SH3BGR: variants seen among roughly 807,000 people sequenced by gnomAD.
SH3BGR encodes SH3 domain binding glutamate rich protein.
SH3BGR carries 29 observed loss-of-function variants against 24.5 expected under a neutral mutation model. The observed-to-expected ratio is 1.18, with a 90% CI of 0.88 to 1.61. The LOEUF is 1.61. Among genes scored for constraint, SH3BGR ranks in the 40% most tolerant of loss-of-function variants. The pLI is 0.00. For synonymous variants in SH3BGR, 55 were observed against 65.7 expected (o/e 0.84, Z 0.79); for missense variants, 162 against 205.8 (o/e 0.79, Z 1.30).
At chr21:39,508,398 G>C (rs2078620364) in intron 4 of SH3BGR, among the ~76,000 whole-genome samples, 1 of 152,206 alleles carries the variant, frequency 6.6e-6, no homozygotes, top group African/African-American at 2.4e-5. Context: ...ATTCCAGTGG[G>C]CTGGTGGCTT....
intron 3 of SH3BGR, among the ~76,000 whole-genome samples, chr21:39,479,587 G>A (rs1165048968): frequency 1.3e-5 from 2 of 152,104 alleles, no homozygotes; most frequent in Non-Finnish European, 1.5e-5. Context: ...TTCAGAATGT[G>A]AACTTCTTAT....
chr21:39,506,911 G>A lies in SH3BGR; in HGVS notation c.406-2087G>A, dbSNP rs569821297. ...ATTGGAGATGAGAAAGAAAAGAGGAGGTGATAATCACTCTTTAGGAGCTTC... is the reference window on the plus strand; with the variant it reads ...ATTGGAGATGAGAAAGAAAAGAGGAAGTGATAATCACTCTTTAGGAGCTTC... On this transcript the variant is annotated intron_variant, in intron 4 of 6. Transcript: ENST00000333634. 6.6e-5 allele frequency among the ~76,000 whole-genome samples: 10 copies of A among 152,266 alleles called. No individual in the cohort carries two copies. In the South Asian group the frequency reaches 2.1e-3, roughly 32 times the overall value.
At chr21:39,492,560 A>G (rs1033318519) in intron 3 of SH3BGR, among the ~76,000 whole-genome samples, 5 of 151,372 alleles carry the variant, frequency 3.3e-5, no homozygotes, top group African/African-American at 1.2e-4. Context: ...TATTTTGGCA[A>G]TTGCGCATTG....
intron 1 of SH3BGR, among the ~76,000 whole-genome samples, chr21:39,455,938 G>A (rs2077648017): frequency 1.3e-5 from 2 of 152,110 alleles, no homozygotes; most frequent in South Asian, 2.1e-4. Flanking sequence ...AATGCCATGC[G>A]TCCAACAGTC....
At chr21:39,445,874 G>A (rs1279825428), upstream of SH3BGR, 1 of 152,462 alleles carries the variant, frequency 6.6e-6, no homozygotes, top group African/African-American at 2.4e-5. Flanking sequence ...CGGCGGGGAG[G>A]GGCGTCTTGG....
chr21:39,469,422 A>G (rs1323389898), intron 2 of SH3BGR, among the ~76,000 whole-genome samples: 1 of 150,922 alleles, frequency 6.6e-6, no homozygotes, highest in Non-Finnish European at 1.5e-5. Flanking sequence ...CTTTATAGCT[A>G]ATTTTTCTCT....
chr21:39,450,462 G>C (rs1009224562), upstream of SH3BGR, among the ~76,000 whole-genome samples: 1 of 152,186 alleles, frequency 6.6e-6, no homozygotes, highest in Admixed American at 6.5e-5. Flanking sequence ...ACCTACCTGA[G>C]GGGGTGGGAA....
intron 4 of SH3BGR, among the ~76,000 whole-genome samples, chr21:39,505,928 T>C (rs942207761): frequency 6.6e-6 from 1 of 152,216 alleles, no homozygotes; most frequent in African/African-American, 2.4e-5. Flanking sequence ...ATAAAAATAA[T>C]TGGATTCAGA....
At chr21:39,449,149 A>G (rs1001599836), upstream of SH3BGR, among the ~76,000 whole-genome samples, 1 of 152,214 alleles carries the variant, frequency 6.6e-6, no homozygotes, top group African/African-American at 2.4e-5. Context: ...TACCCACTGC[A>G]CACATGCCTG....
chr21:39,514,181 G>A (rs907421957), intron 6 of SH3BGR, among the ~76,000 whole-genome samples: 2 of 152,096 alleles, frequency 1.3e-5, no homozygotes, highest in Non-Finnish European at 1.5e-5. Flanking sequence ...ACATGATGAT[G>A]CAGTCAGGTA....
chr21:39,506,248 G>A (rs1330937260), intron 4 of SH3BGR, among the ~76,000 whole-genome samples: 2 of 152,156 alleles, frequency 1.3e-5, no homozygotes, highest in African/African-American at 4.8e-5. Context: ...CAAGTGAGAA[G>A]GTCCTTAACT....
chr21:39,476,814 A>G (rs1310355041), intron 3 of SH3BGR, among the ~76,000 whole-genome samples: 1 of 152,198 alleles, frequency 6.6e-6, no homozygotes, highest in Admixed American at 6.5e-5. Flanking sequence ...GGGGTTATCT[A>G]AACAAAAGGG....
chr21:39,512,206 A>G (rs968612463), intron 6 of SH3BGR, among the ~76,000 whole-genome samples: 1 of 152,168 alleles, frequency 6.6e-6, no homozygotes, highest in Non-Finnish European at 1.5e-5. Context: ...CCACATGTAC[A>G]ACTTTAGGGG....
intron 4 of SH3BGR, among the ~76,000 whole-genome samples, chr21:39,501,998 C>T (rs572255325): frequency 2.0e-5 from 3 of 152,312 alleles, no homozygotes; most frequent in African/African-American, 7.2e-5. Flanking sequence ...CATGGTAAAA[C>T]CCCGTCTCTA....
chr21:39,453,004 T>TA (rs1265051325), intron 1 of SH3BGR, among the ~76,000 whole-genome samples: 1 of 152,194 alleles, frequency 6.6e-6, no homozygotes, highest in Non-Finnish European at 1.5e-5. Flanking sequence ...ACCCAAGAGT[T>TA]AGAGACCAGC....
At chr21:39,490,069 A>G (rs950424375) in intron 3 of SH3BGR, among the ~76,000 whole-genome samples, 1 of 152,222 alleles carries the variant, frequency 6.6e-6, no homozygotes, top group Non-Finnish European at 1.5e-5. Flanking sequence ...CAGGTGAACT[A>G]TCTTGATGGG....
intron 1 of SH3BGR, among the ~76,000 whole-genome samples, chr21:39,446,334 A>G (rs180869853): frequency 1.3e-5 from 2 of 152,306 alleles, no homozygotes; most frequent in African/African-American, 2.4e-5. Flanking sequence ...ATAATTTAGG[A>G]AGACTTACAT....
Position 39,511,612 on chromosome 21 carries a change from A to C in SH3BGR, c.436-68A>C. Reference sequence around the variant, plus strand: ...TTTGACCTCTAGTCCAGCATTTTACAGTCTTTTTCTCACTGTATCCTTGGC... The same window carrying C: ...TTTGACCTCTAGTCCAGCATTTTACCGTCTTTTTCTCACTGTATCCTTGGC... On this transcript the variant is annotated intron_variant, in intron 5 of 6. Transcript: ENST00000333634. This position sits in a 1 kb window ranked among gnomAD's most constrained non-coding sequence, Gnocchi z 4.2. 1 of 1,527,674 alleles carries C rather than the reference A, an allele frequency of 6.5e-7. No individual in the cohort carries two copies. Among genetic ancestry groups the C allele is most frequent in the African/African-American group, 1.4e-5 (1 of 72,016 alleles). The allele number at this position is 1,527,674 out of a possible 1,614,324, so 94.6% of individuals were successfully genotyped here.
At chr21:39,447,480 A>G (rs1037909385), upstream of SH3BGR, among the ~76,000 whole-genome samples, 2 of 131,662 alleles carry the variant, frequency 1.5e-5, no homozygotes, top group East Asian at 4.3e-4. Flanking sequence ...CAGTGGCGCC[A>G]TCCCAGCTCA....
Sources: gnomAD v4.1 joint callset for allele counts (sites outside exome capture counted in the v4.1 genomes callset) on GRCh38, gnomAD v4.1.1 for gene constraint, Gnocchi (gnomAD v3.1) non-coding constraint, MANE v1.5 for transcripts, NCBI Gene and HGNC (gene_info 2026-07-23, HGNC 2026-07-21) for gene names.